Variants in SRGAP1 observed in about 807,000 individuals in gnomAD.
The protein encoded by SRGAP1 is SLIT-ROBO Rho GTPase-activating protein 1.
Under a neutral mutation model 121.9 loss-of-function variants are expected in SRGAP1, and 43 were observed. That is an observed-to-expected ratio of 0.35 (90% CI 0.28 to 0.46). SRGAP1 has a LOEUF of 0.46. SRGAP1 is among the 20% of genes least tolerant of loss of function. The probability of loss-of-function intolerance (pLI) is 1.00; values close to 1 mark genes in which losing one functional copy is unlikely to be tolerated. For synonymous variants in SRGAP1, 447 were observed against 485.4 expected, an observed-to-expected ratio of 0.92 and a Z score of 1.04; for missense variants, 1,102 against 1,350.9, an observed-to-expected ratio of 0.82 and a Z score of 2.89.
intron 1 of SRGAP1, among the ~76,000 whole-genome samples, chr12:63,951,604 TA>T (rs1173213562): frequency 6.6e-6 from 1 of 152,242 alleles, no homozygotes; most frequent in East Asian, 1.9e-4. Flanking sequence ...TTCTGGCAGA[TA>T]TTTTTAAGTG....
intron 1 of SRGAP1, among the ~76,000 whole-genome samples, chr12:63,928,449 A>G (rs1199933289): frequency 6.6e-6 from 1 of 152,240 alleles, no homozygotes; most frequent in Non-Finnish European, 1.5e-5. Context: ...GTGACTGGAT[A>G]TGCAAATTCT....
At chr12:63,987,874 A>G (rs2136415217) in intron 2 of SRGAP1, among the ~76,000 whole-genome samples, 1 of 152,350 alleles carries the variant, frequency 6.6e-6, no homozygotes, top group South Asian at 2.1e-4. Flanking sequence ...TATACAAGGC[A>G]TTATTATAAG....
chr12:63,935,974 G>C (rs947395884), intron 1 of SRGAP1, among the ~76,000 whole-genome samples: 9 of 152,134 alleles, frequency 5.9e-5, no homozygotes, highest in African/African-American at 9.7e-5. Context: ...ACAGAAAAAA[G>C]GGAAAAAGGT....
At chr12:64,115,698 T>C in intron 17 of SRGAP1, 116 bp from the exon 18 acceptor site, 3 of 658,890 alleles carry the variant, frequency 4.6e-6, no homozygotes, top group Non-Finnish European at 7.5e-6. Flanking sequence ...GAGGCAGAGG[T>C]TTCAGTGAGC....
At chr12:63,875,445 G>A (rs903876029) in intron 1 of SRGAP1, among the ~76,000 whole-genome samples, 1 of 152,160 alleles carries the variant, frequency 6.6e-6, no homozygotes. Flanking sequence ...ATGCTGAAAT[G>A]TATGTAAACA....
chr12:64,105,439 G>T (rs2036328772), intron 15 of SRGAP1, among the ~76,000 whole-genome samples: 1 of 151,954 alleles, frequency 6.6e-6, no homozygotes, highest in South Asian at 2.1e-4. Flanking sequence ...AGAGGTAGAG[G>T]GACTAAGTTT....
rs1372527318 is a variant in SRGAP1, at chr12:64,049,769, T to A, written c.801+6194T>A. 2.6e-5 allele frequency among the ~76,000 whole-genome samples: 4 copies of A among 152,188 alleles called. No homozygotes were observed. In the East Asian group the frequency reaches 7.7e-4, roughly 29 times the overall value. Reference sequence around the variant, plus strand: ...ACAGTTTTGGTTACTATAGCTTTTGTTACTATGGCTGTCTTGGTTACTATA... The same window carrying A: ...ACAGTTTTGGTTACTATAGCTTTTGATACTATGGCTGTCTTGGTTACTATA... On this transcript the variant is annotated intron_variant, in intron 6 of 21. Coordinates refer to ENST00000355086, the MANE Select transcript of SRGAP1 (RefSeq NM_020762.4).
intron 1 of SRGAP1, among the ~76,000 whole-genome samples, chr12:63,954,547 G>A (rs1479207563): frequency 8.6e-5 from 13 of 151,840 alleles, no homozygotes; most frequent in African/African-American, 2.9e-4. Context: ...GCGTGGTGGT[G>A]GGTGCCTGTA....
At chr12:63,991,412 T>G (rs1326278296) in intron 3 of SRGAP1, among the ~76,000 whole-genome samples, 1 of 152,222 alleles carries the variant, frequency 6.6e-6, no homozygotes, top group Non-Finnish European at 1.5e-5. Flanking sequence ...AAAGGGAATT[T>G]AGCAAGCTCT....
At chr12:63,965,645 C>G (rs960301766) in intron 1 of SRGAP1, among the ~76,000 whole-genome samples, 1 of 151,990 alleles carries the variant, frequency 6.6e-6, no homozygotes, top group Non-Finnish European at 1.5e-5. Flanking sequence ...ATTGGCATCA[C>G]AGTGAGACCT....
chr12:64,080,752 G>T, intron 10 of SRGAP1: 1 of 273,760 alleles, frequency 3.7e-6, no homozygotes. Flanking sequence ...CCCCACCCCT[G>T]TTTGTTTTAA....
chr12:63,922,076 T>A (rs2031077022), intron 1 of SRGAP1, among the ~76,000 whole-genome samples: 1 of 151,978 alleles, frequency 6.6e-6, no homozygotes. Flanking sequence ...CCTGCCGGCT[T>A]CCAGTGATTC....
At chr12:64,117,554 G>A (rs1457339491) in intron 18 of SRGAP1, among the ~76,000 whole-genome samples, 5 of 152,010 alleles carry the variant, frequency 3.3e-5, no homozygotes, top group Non-Finnish European at 2.9e-5. Context: ...ATTTTACTTC[G>A]CATCTCCTTT....
intron 8 of SRGAP1, among the ~76,000 whole-genome samples, chr12:64,069,876 G>A (rs961427553): frequency 3.9e-5 from 6 of 151,956 alleles, no homozygotes; most frequent in African/African-American, 1.4e-4. Context: ...CATGAATTTT[G>A]TTCAAAAAAC....
intron 1 of SRGAP1, among the ~76,000 whole-genome samples, chr12:63,942,352 A>G (rs1251289219): frequency 6.6e-6 from 1 of 152,270 alleles, no homozygotes; most frequent in African/African-American, 2.4e-5. Flanking sequence ...TTAATGACAT[A>G]TACAATATGT....
intron 16 of SRGAP1, among the ~76,000 whole-genome samples, chr12:64,110,923 T>C (rs1421875675): frequency 1.3e-5 from 2 of 152,226 alleles, no homozygotes; most frequent in Non-Finnish European, 2.9e-5. Flanking sequence ...CTCCTTTTTC[T>C]CCTTCCATTT....
At chr12:63,920,161 C>T (rs180934966) in intron 1 of SRGAP1, among the ~76,000 whole-genome samples, 11 of 152,304 alleles carry the variant, frequency 7.2e-5, no homozygotes, top group East Asian at 1.9e-4. Flanking sequence ...TTTATCAGCA[C>T]GTGGTATTAT....
chr12:63,995,515 A>G (rs894448720), intron 3 of SRGAP1, among the ~76,000 whole-genome samples: 1 of 152,170 alleles, frequency 6.6e-6, no homozygotes, highest in Non-Finnish European at 1.5e-5. Flanking sequence ...TAGAGATGTC[A>G]CCCAATGCAT....
intron 10 of SRGAP1, among the ~76,000 whole-genome samples, chr12:64,086,520 C>T (rs1223664849): frequency 6.6e-6 from 1 of 151,984 alleles, no homozygotes; most frequent in Admixed American, 6.5e-5. Flanking sequence ...TCTCCAGTCC[C>T]CTGATTCATA....
Sources: gnomAD v4.1 joint callset for allele counts (sites outside exome capture counted in the v4.1 genomes callset) on GRCh38, gnomAD v4.1.1 for gene constraint, MANE v1.5 for transcripts, NCBI Gene and HGNC (gene_info 2026-07-23, HGNC 2026-07-21) for gene names.